ITGB4: variants seen among roughly 807,000 people sequenced by gnomAD.
The protein encoded by ITGB4 is integrin subunit beta 4.
A neutral mutation model predicts 207.6 loss-of-function variants in ITGB4; 159 were observed. The ratio of observed to expected loss-of-function variants is 0.77; its 90% CI spans 0.67 to 0.87. The LOEUF (loss-of-function observed/expected upper bound fraction) is 0.87. Among genes scored for constraint, ITGB4 ranks in the 40% least tolerant of loss-of-function variants. The pLI is 0.00. For missense variants in ITGB4, 2,278 were observed against 2,546.8 expected, an observed-to-expected ratio of 0.89 and a Z score of 2.27; for synonymous variants, 1,020 against 1,062.7, an observed-to-expected ratio of 0.96 and a Z score of 0.78.
chr17:75,740,110 C>T lies in ITGB4; in HGVS notation c.2446+39C>T, dbSNP rs1353849633. Reference sequence around the variant, plus strand: ...TGGGCGCCACAGCTCTGGGCAGTGCCCTTCGGGCCCTCTGTTCCAGATCTG... The same window carrying T: ...TGGGCGCCACAGCTCTGGGCAGTGCTCTTCGGGCCCTCTGTTCCAGATCTG... On this transcript the variant is annotated intron_variant, in intron 20 of 39. Coordinates refer to ENST00000200181, the MANE Select transcript of ITGB4 (RefSeq NM_000213.5). This position sits in a 1 kb window ranked among gnomAD's most constrained non-coding sequence, Gnocchi z 5.9. 6.4e-7 allele frequency: 1 copy of T among 1,573,622 alleles called. No individual in the cohort carries two copies. Among genetic ancestry groups the T allele is most frequent in the Admixed American group, 1.8e-5 (1 of 56,756 alleles).
At position 75,732,264 on chromosome 17, in the gene ITGB4, C is replaced by T. The variant is rs748392368; in HGVS notation, c.1454+25C>T. 5 of 1,609,316 alleles carry T rather than the reference C, an allele frequency of 3.1e-6. No individual in the cohort carries two copies. The highest frequency in any genetic ancestry group is 2.2e-5 in the East Asian group (1 of 44,872). On this transcript the variant is annotated intron_variant, in intron 12 of 39. Coordinates refer to ENST00000200181, the MANE Select transcript of ITGB4 (RefSeq NM_000213.5). This position sits in a 1 kb window ranked among gnomAD's most constrained non-coding sequence, Gnocchi z 5.3. Reference sequence around the variant, plus strand: ...GGTGAGTGGGGAAGGGAGTTGGGCACCCAGGACACCAGTGGCCCCTGATGG... The same window carrying T: ...GGTGAGTGGGGAAGGGAGTTGGGCATCCAGGACACCAGTGGCCCCTGATGG...
At position 75,739,615 on chromosome 17, in the gene ITGB4, C is replaced by T; in HGVS notation, c.2221-57C>T. On this transcript the variant is annotated intron_variant, in intron 18 of 39. Transcript: ENST00000200181. The surrounding 1 kb of genome is among the most constrained non-coding windows in gnomAD (Gnocchi z 5.4). The stretch of plus-strand genomic sequence containing the variant: ...GCATGGGGCGGGGTGGCTGGAAGGG[C>T]TTACCTGGGCCAGGGCAGCTGTCTC... 1.2e-5 allele frequency: 19 copies of T among 1,608,424 alleles called. 1 individual carries two copies. The South Asian group carries it at 2.0e-4, about 17-fold the overall frequency.
At position 75,755,828 on chromosome 17, in the gene ITGB4, G is replaced by A; in HGVS notation, c.4686G>A (p.Val1562=). Residue 1562 remains valine (V), a synonymous_variant, in exon 35 of 40, where the codon GTG becomes GTA. Coordinates refer to ENST00000200181, the MANE Select transcript of ITGB4 (RefSeq NM_000213.5). ...AGCGGCCGCTGCAGGGCTACAGTGT[G>A]GAGTACCAGCTGCTGAACGGCGGTG... ...RCERPLQGYS[V]EYQLLNGGEL... 2 of 1,607,014 alleles carry A rather than the reference G, an allele frequency of 1.2e-6. No individual in the cohort carries two copies. The highest frequency in any genetic ancestry group is 2.2e-5 in the South Asian group (2 of 90,984).
chr17:75,740,246 C>A lies in ITGB4; in HGVS notation c.2447-112C>A. On this transcript the variant is annotated intron_variant, in intron 20 of 39. Transcript: ENST00000200181. This position sits in a 1 kb window ranked among gnomAD's most constrained non-coding sequence, Gnocchi z 5.9. ...CTCATGCCTCGGTGTGCGTGGCCTGCTGGCCAGGCATCCCCTGATCCTAGC... is the reference window on the plus strand; with the variant it reads ...CTCATGCCTCGGTGTGCGTGGCCTGATGGCCAGGCATCCCCTGATCCTAGC... The A allele has an allele frequency of 8.0e-7, 1 of 1,249,388 alleles. No homozygotes were observed. Among genetic ancestry groups the A allele is most frequent in the Non-Finnish European group, 1.1e-6 (1 of 877,942 alleles). 77.4% of individuals were successfully genotyped at this position (1,249,388 alleles called of 1,614,324 possible).
Position 75,752,174 on chromosome 17 carries a change from G to A in ITGB4, c.3794G>A (p.Arg1265Gln). The change falls in exon 31 of 40, where the codon CGA becomes CAA. Residue 1265 changes from arginine (R) to glutamine (Q), a missense_variant and splice_region_variant. Transcript: ENST00000200181. ...VCYGLVNDDN[R>Q]PIGPMKKVLV... Reference sequence around the variant, plus strand: ...CTCTGAAGCACTCTCTCTGCCCCAGGACCTATTGGGCCCATGAAGAAAGTG... The same window carrying A: ...CTCTGAAGCACTCTCTCTGCCCCAGAACCTATTGGGCCCATGAAGAAAGTG... 1.2e-6 allele frequency: 2 copies of A among 1,613,956 alleles called. No homozygotes were observed. The highest frequency in any genetic ancestry group is 1.1e-5 in the South Asian group (1 of 91,076).
rs141337579 is a variant in ITGB4, at chr17:75,731,297, C to T, written c.1144C>T (p.Arg382Trp). 8 of 1,613,584 alleles carry T rather than the reference C, an allele frequency of 5.0e-6. No individual in the cohort carries two copies. In the East Asian group the frequency reaches 6.7e-5, roughly 13 times the overall value. ...GGCCCTAGACAGCCCCCGAGGCCTT[C>T]GGACAGAGGTCACCTCCAAGATGTT... ...IRALDSPRGL[R>W]TEVTSKMFQK... is the part of the protein sequence containing the mutation. Residue 382 changes from arginine (R) to tryptophan (W), a missense_variant, in exon 10 of 40, where the codon CGG becomes TGG. Physicochemically the swap from Arg to Trp is moderately radical, Grantham distance 101 (BLOSUM62 -3). Transcript: ENST00000200181. This position sits in a 1 kb window ranked among gnomAD's most constrained non-coding sequence, Gnocchi z 6.8.
At position 75,751,080 on chromosome 17, in the gene ITGB4, G is replaced by T. The variant is rs759845890; in HGVS notation, c.3762G>T (p.Glu1254Asp). Residue 1254 changes from glutamate (E) to aspartate (D), a missense_variant, in exon 30 of 40, where the codon GAG (glutamate) becomes GAT (aspartate). By Grantham distance (45) the Glu-to-Asp change is conservative. Transcript: ENST00000200181. Reference sequence around the variant, plus strand: ...CCAACGGTGAGATCACAGCCTACGAGGTCTGCTATGGCCTGGTCAACGATG... The same window carrying T: ...CCAACGGTGAGATCACAGCCTACGATGTCTGCTATGGCCTGGTCAACGATG... ...AETNGEITAY[E>D]VCYGLVNDDN... is the part of the protein sequence containing the mutation. 3.7e-6 allele frequency: 6 copies of T among 1,613,848 alleles called. No homozygotes were observed. Among genetic ancestry groups the T allele is most frequent in the Non-Finnish European group, 3.4e-6 (4 of 1,180,030 alleles).
At position 75,743,896 on chromosome 17, in the gene ITGB4, G is replaced by A. The variant is rs371218432; in HGVS notation, c.3111+35G>A. 1,088 of 1,547,226 alleles carry A rather than the reference G, an allele frequency of 7.0e-4. 1 individual carries two copies. Among genetic ancestry groups the A allele is most frequent in the Non-Finnish European group, 9.0e-4 (1,029 of 1,144,432 alleles). ...CGCCACAGGGTCGAGGGTGCAGCCC[G>A]GGGGGCTGCGTGGGCACCGCATTGG... On this transcript the variant is annotated intron_variant, in intron 26 of 39. Transcript: ENST00000200181.
At chr17:75,754,838 G>GCCTCTCCCACTAACCCTT in intron 34 of ITGB4, 23 bp downstream of exon 34, 1 of 1,613,958 alleles carries the variant, frequency 6.2e-7, no homozygotes, top group East Asian at 2.2e-5. Context: ...AGCCAACCCT[G>GCCTCTCCCACTAACCCTT]CCTCTCCCAC....
chr17:75,751,666 A>C, intron 30 of ITGB4: 1 of 217,972 alleles, frequency 4.6e-6, no homozygotes, highest in South Asian at 6.5e-5. Flanking sequence ...ACTTGAACCC[A>C]GAAGGCGCAG....
chr17:75,750,872 CCAT>C lies in ITGB4; in HGVS notation c.3655+13_3655+15del, dbSNP rs1338826693. 6.2e-7 allele frequency: 1 copy of C among 1,613,476 alleles called. No individual in the cohort carries two copies. Among genetic ancestry groups the C allele is most frequent in the Admixed American group, 1.7e-5 (1 of 60,026 alleles). On this transcript the variant is annotated intron_variant, in intron 29 of 39. Coordinates refer to ENST00000200181, the MANE Select transcript of ITGB4 (RefSeq NM_000213.5). The surrounding 1 kb of genome is among the most constrained non-coding windows in gnomAD (Gnocchi z 5.5). ...CACCCACCAGGAAGGTGAGGCCTCG[CCAT>C]GTCTGTCCATTTGTCCCCTGGCTGC...
rs781107809 is a variant in ITGB4, at chr17:75,742,472, C to A, written c.2765C>A (p.Thr922Asn). The A allele has an allele frequency of 6.2e-7, 1 of 1,613,160 alleles. No homozygotes were observed. The highest frequency in any genetic ancestry group is 1.1e-5 in the South Asian group (1 of 91,046). Residue 922 changes from threonine to asparagine, a missense_variant, in exon 24 of 40, where the codon ACC becomes AAC. Coordinates refer to ENST00000200181, the MANE Select transcript of ITGB4 (RefSeq NM_000213.5). This position sits in a 1 kb window ranked among gnomAD's most constrained non-coding sequence, Gnocchi z 5.9. ...CTCAAGGTGGCCCCCGGCTACTACA[C>A]CCTCACTGCAGACCAGGGTAGGAGG... is the stretch of plus-strand genomic sequence containing the variant. ...HDLKVAPGYY[T>N]LTADQDARGM...
chr17:75,740,192 T>C lies in ITGB4; in HGVS notation c.2446+121T>C. 8.0e-7 allele frequency: 1 copy of C among 1,248,300 alleles called. No homozygotes were observed. The highest frequency in any genetic ancestry group is 1.3e-5 in the South Asian group (1 of 74,168). 77.3% of individuals were successfully genotyped at this position (1,248,300 alleles called of 1,614,324 possible). A position where few individuals can be genotyped will look rare whatever the true frequency, so the allele number is the denominator to read the frequency against. The stretch of plus-strand genomic sequence containing the variant: ...GGTGCAGGCACAGGGCTCAGCCACC[T>C]TTTGCCCTGTGCTGATGGTGCTATG... On this transcript the variant is annotated intron_variant, in intron 20 of 39. Coordinates refer to ENST00000200181, the MANE Select transcript of ITGB4 (RefSeq NM_000213.5). The surrounding 1 kb of genome is among the most constrained non-coding windows in gnomAD (Gnocchi z 5.9).
intron 27 of ITGB4, 28 bp downstream of exon 27, chr17:75,749,073 G>A: frequency 6.3e-7 from 1 of 1,586,912 alleles, no homozygotes; most frequent in South Asian, 1.1e-5. Flanking sequence ...GTCGGCTTAA[G>A]CAGGAGGAGA....
chr17:75,742,778 A>C lies in ITGB4; in HGVS notation c.2962+17A>C. Reference sequence around the variant, plus strand: ...AGGAGCAAGGTGGGTCTGGGTGGGGAGAGTGGGGAAGGCAGACGGGGGCTC... The same window carrying C: ...AGGAGCAAGGTGGGTCTGGGTGGGGCGAGTGGGGAAGGCAGACGGGGGCTC... On this transcript the variant is annotated intron_variant, in intron 25 of 39. Coordinates refer to ENST00000200181, the MANE Select transcript of ITGB4 (RefSeq NM_000213.5). This position sits in a 1 kb window ranked among gnomAD's most constrained non-coding sequence, Gnocchi z 5.9. 1 of 1,600,552 alleles carries C rather than the reference A, an allele frequency of 6.2e-7. No individual in the cohort carries two copies. Among genetic ancestry groups the C allele is most frequent in the East Asian group, 2.2e-5 (1 of 44,764 alleles).
At position 75,744,128 on chromosome 17, in the gene ITGB4, T is replaced by G. The variant is rs530617544; in HGVS notation, c.3111+267T>G. Among the ~76,000 whole-genome samples, 568 of 148,852 alleles carry G rather than the reference T, an allele frequency of 3.8e-3. 1 individual carries two copies. Among genetic ancestry groups the G allele is most frequent in the South Asian group, 0.017 (81 of 4,672 alleles). ...AGAGGGCTCGCTCTTTTTTTTTTTT[T>G]TTTTTTTTTGAGACAGAGTTTCGCT... is the stretch of plus-strand genomic sequence containing the variant. On this transcript the variant is annotated intron_variant, in intron 26 of 39. Coordinates refer to ENST00000200181, the MANE Select transcript of ITGB4 (RefSeq NM_000213.5).
chr17:75,740,629 C>G lies in ITGB4; in HGVS notation c.2551-164C>G. The G allele has an allele frequency of 3.1e-6, 3 of 965,722 alleles. No homozygotes were observed. In the South Asian group the frequency reaches 4.1e-5, roughly 13 times the overall value. 59.8% of individuals were successfully genotyped at this position (965,722 alleles called of 1,614,324 possible). A position where few individuals can be genotyped will look rare whatever the true frequency, so the allele number is the denominator to read the frequency against. On this transcript the variant is annotated intron_variant, in intron 21 of 39. Coordinates refer to ENST00000200181, the MANE Select transcript of ITGB4 (RefSeq NM_000213.5). The surrounding 1 kb of genome is among the most constrained non-coding windows in gnomAD (Gnocchi z 5.9). ...CATCCTGGGATCTGTTTCCAGAGGGCAGAAGGCCAGAGCCTGGGCCCAGGA... is the reference window on the plus strand; with the variant it reads ...CATCCTGGGATCTGTTTCCAGAGGGGAGAAGGCCAGAGCCTGGGCCCAGGA...
chr17:75,726,052 G>T (rs969171191), intron 2 of ITGB4, among the ~76,000 whole-genome samples: 6 of 152,238 alleles, frequency 3.9e-5, no homozygotes, highest in African/African-American at 1.4e-4. Flanking sequence ...CACTGTCTCA[G>T]TCCCCACCTT....
At chr17:75,754,545 C>A in intron 33 of ITGB4, 31 bp from the exon 34 acceptor site, 3 of 1,612,882 alleles carry the variant, frequency 1.9e-6, no homozygotes, top group Non-Finnish European at 2.5e-6. Context: ...TGGGGCAGGC[C>A]TGACCAAGGG....
Sources: gnomAD v4.1 joint callset for allele counts (sites outside exome capture counted in the v4.1 genomes callset) on GRCh38, gnomAD v4.1.1 for gene constraint, Gnocchi (gnomAD v3.1) non-coding constraint, MANE v1.5 for transcripts, NCBI Gene and HGNC (gene_info 2026-07-23, HGNC 2026-07-21) for gene names.